The following KDM4C variants were observed in gnomAD, a reference collection of about 807,000 sequenced individuals.
The protein encoded by KDM4C is lysine demethylase 4C.
Under a neutral mutation model 129.3 loss-of-function variants are expected in KDM4C, and 81 were observed. That is an observed-to-expected ratio of 0.63 (90% CI 0.52 to 0.75). The LOEUF (loss-of-function observed/expected upper bound fraction) is 0.75. Among genes scored for constraint, KDM4C ranks in the 30% least tolerant of loss-of-function variants. KDM4C has a pLI of 0.00. For missense variants in KDM4C, 1,457 were observed against 1,304.0 expected, an observed-to-expected ratio of 1.12 and a Z score of -1.81; for synonymous variants, 573 against 456.1, an observed-to-expected ratio of 1.26 and a Z score of -3.26.
intron 15 of KDM4C, among the ~76,000 whole-genome samples, chr9:7,044,439 A>G (rs1165916851): frequency 6.6e-6 from 1 of 151,798 alleles, no homozygotes; most frequent in African/African-American, 2.4e-5. Flanking sequence ...CTGGGTGGCT[A>G]TTGCAATAGT....
intron 3 of KDM4C, among the ~76,000 whole-genome samples, chr9:6,806,023 C>T (rs911393660): frequency 6.6e-6 from 1 of 152,056 alleles, no homozygotes; most frequent in Admixed American, 6.5e-5. Context: ...CTATAGTTGC[C>T]ATGAGTTTTC....
intron 8 of KDM4C, among the ~76,000 whole-genome samples, chr9:6,950,988 A>G (rs981433888): frequency 1.3e-5 from 2 of 152,168 alleles, no homozygotes; most frequent in African/African-American, 2.4e-5. Flanking sequence ...GCCATCTCTG[A>G]AGGGAGGCAT....
At chr9:6,948,461 T>TA (rs1349395600) in intron 8 of KDM4C, among the ~76,000 whole-genome samples, 1 of 150,386 alleles carries the variant, frequency 6.6e-6, no homozygotes, top group Non-Finnish European at 1.5e-5. Flanking sequence ...TTTCCTCATT[T>TA]TTTTTTTTTT....
At chr9:7,134,084 C>T (rs1017201279) in intron 19 of KDM4C, among the ~76,000 whole-genome samples, 5 of 152,194 alleles carry the variant, frequency 3.3e-5, no homozygotes, top group Non-Finnish European at 4.4e-5. Flanking sequence ...CCCTCCCTGC[C>T]AGGAAGTTCT....
chr9:7,035,785 G>A (rs113159700), intron 15 of KDM4C, among the ~76,000 whole-genome samples: 3 of 152,148 alleles, frequency 2.0e-5, no homozygotes, highest in African/African-American at 7.2e-5. Context: ...TGTCCAAATC[G>A]TATGACTGTA....
intron 8 of KDM4C, among the ~76,000 whole-genome samples, chr9:6,898,245 G>C (rs1465784617): frequency 6.6e-6 from 1 of 152,150 alleles, no homozygotes; most frequent in African/African-American, 2.4e-5. Flanking sequence ...TGTTTCAGCA[G>C]CCTCAAGCAC....
intron 4 of KDM4C, among the ~76,000 whole-genome samples, chr9:6,826,154 A>G (rs1833832544): frequency 6.6e-6 from 1 of 150,852 alleles, no homozygotes; most frequent in African/African-American, 2.4e-5. Flanking sequence ...TGTTTTATAT[A>G]TTTCTTCTTG....
chr9:6,863,166 C>T (rs949407123), intron 5 of KDM4C, among the ~76,000 whole-genome samples: 3 of 152,168 alleles, frequency 2.0e-5, no homozygotes, highest in African/African-American at 7.2e-5. Context: ...TGTGCTTTAA[C>T]TCCCCCCCAC....
intron 4 of KDM4C, among the ~76,000 whole-genome samples, chr9:6,842,384 T>C (rs1012950347): frequency 6.9e-6 from 1 of 145,764 alleles, no homozygotes; most frequent in Non-Finnish European, 1.5e-5. Flanking sequence ...TGGCATGCGA[T>C]CATGGCTCAC....
At chr9:7,064,744 G>A (rs1452219291) in intron 17 of KDM4C, among the ~76,000 whole-genome samples, 1 of 152,162 alleles carries the variant, frequency 6.6e-6, no homozygotes, top group Non-Finnish European at 1.5e-5. Context: ...GAATCTTACT[G>A]CTCCTAGGTA....
intron 1 of KDM4C, among the ~76,000 whole-genome samples, chr9:6,773,381 T>C (rs908206439): frequency 3.9e-5 from 6 of 152,296 alleles, no homozygotes; most frequent in African/African-American, 1.2e-4. Flanking sequence ...GCCAGTGTCA[T>C]TGTTGATGTT....
chr9:6,987,133 C>T (rs117195060), intron 11 of KDM4C, among the ~76,000 whole-genome samples: 3 of 152,164 alleles, frequency 2.0e-5, no homozygotes, highest in Non-Finnish European at 4.4e-5. Flanking sequence ...TGATCACTTT[C>T]TGCCAATAGT....
chr9:6,838,156 ATATTT>A (rs1242741350), intron 4 of KDM4C, among the ~76,000 whole-genome samples: 1 of 152,152 alleles, frequency 6.6e-6, no homozygotes, highest in Non-Finnish European at 1.5e-5. Flanking sequence ...GACATTCCAA[ATATTT>A]TATTTTTCTT....
chr9:7,136,038 TTGTG>T (rs1564163532), intron 19 of KDM4C, among the ~76,000 whole-genome samples: 3 of 152,176 alleles, frequency 2.0e-5, no homozygotes, highest in Non-Finnish European at 4.4e-5. Context: ...AATGAAGCAA[TTGTG>T]ATGGGCCAGA....
At chr9:6,884,530 G>T (rs1321894153) in intron 6 of KDM4C, among the ~76,000 whole-genome samples, 1 of 152,068 alleles carries the variant, frequency 6.6e-6, no homozygotes, top group African/African-American at 2.4e-5. Flanking sequence ...ATAAAACCAC[G>T]ATAAAACTTC....
chr9:7,147,639 G>T (rs1325889383), intron 19 of KDM4C, among the ~76,000 whole-genome samples: 1 of 152,156 alleles, frequency 6.6e-6, no homozygotes, highest in Non-Finnish European at 1.5e-5. Context: ...AAGTCCTGGG[G>T]TGTTCTACAG....
chr9:6,938,171 A>G (rs1254116652), intron 8 of KDM4C, among the ~76,000 whole-genome samples: 1 of 152,098 alleles, frequency 6.6e-6, no homozygotes. Flanking sequence ...CAATGTTTGC[A>G]TGTTTGTGTG....
At chr9:7,034,925 T>C (rs1332825194) in intron 15 of KDM4C, among the ~76,000 whole-genome samples, 1 of 152,200 alleles carries the variant, frequency 6.6e-6, no homozygotes, top group Non-Finnish European at 1.5e-5. Context: ...CCTGGTGATG[T>C]TTACCCTTTC....
intron 17 of KDM4C, among the ~76,000 whole-genome samples, chr9:7,053,918 C>G (rs1345048497): frequency 6.6e-6 from 1 of 152,206 alleles, no homozygotes; most frequent in Non-Finnish European, 1.5e-5. Context: ...CTAAAGACTT[C>G]ATATCCAAAA....
Sources: allele counts gnomAD v4.1 joint callset (sites outside exome capture counted in the v4.1 genomes callset), GRCh38; gene constraint gnomAD v4.1.1; transcripts MANE v1.5; gene names NCBI Gene and HGNC (gene_info 2026-07-23, HGNC 2026-07-21).